Variants in PTPRK observed in about 807,000 individuals in gnomAD.
PTPRK encodes the protein protein tyrosine phosphatase receptor type K, also known as receptor-type tyrosine-protein phosphatase kappa.
In PTPRK, 75 loss-of-function variants were observed where a neutral mutation model predicts 178.0. That is an observed-to-expected ratio of 0.42 (90% confidence interval 0.35 to 0.51). The LOEUF (loss-of-function observed/expected upper bound fraction) is 0.51, where lower values mean the gene tolerates loss of function less well. Among genes scored for constraint, PTPRK ranks in the 20% least tolerant of loss-of-function variants. PTPRK has a pLI of 0.02. For missense variants in PTPRK, 1,441 were observed against 1,797.8 expected (o/e 0.80, Z 3.59); for synonymous variants, 637 against 620.6 (o/e 1.03, Z -0.39).
At chr6:128,518,319 T>C (rs1186739995) in intron 1 of PTPRK, among the ~76,000 whole-genome samples, 2 of 152,212 alleles carry the variant, frequency 1.3e-5, no homozygotes, top group Admixed American at 1.3e-4. Context: ...CAATTGTTTA[T>C]TGTACGTATC....
At chr6:128,436,704 G>T (rs937809928) in intron 1 of PTPRK, among the ~76,000 whole-genome samples, 2 of 152,110 alleles carry the variant, frequency 1.3e-5, no homozygotes, top group Non-Finnish European at 2.9e-5. Context: ...AACTTGCCAA[G>T]ATCACCGGAT....
intron 20 of PTPRK, 99 bp from the exon 21 acceptor site, chr6:127,990,984 T>G: frequency 1.3e-6 from 1 of 753,404 alleles, no homozygotes; most frequent in Non-Finnish European, 2.2e-6. Flanking sequence ...CAATTAAAAC[T>G]CAGTTTAAAA....
At chr6:128,396,277 T>C (rs1212428761) in intron 2 of PTPRK, among the ~76,000 whole-genome samples, 1 of 149,584 alleles carries the variant, frequency 6.7e-6, no homozygotes, top group African/African-American at 2.4e-5. Flanking sequence ...GAAACCTAAA[T>C]TATTAGTACT....
intron 1 of PTPRK, among the ~76,000 whole-genome samples, chr6:128,414,939 T>C (rs2128381858): frequency 6.6e-6 from 1 of 152,320 alleles, no homozygotes; most frequent in Non-Finnish European, 1.5e-5. Flanking sequence ...AAAGTTCTCA[T>C]TTTACACCTC....
chr6:128,297,369 G>C (rs1177722576), intron 3 of PTPRK, among the ~76,000 whole-genome samples: 1 of 152,140 alleles, frequency 6.6e-6, no homozygotes, highest in Non-Finnish European at 1.5e-5. Flanking sequence ...TCTGCACTAG[G>C]CAGACCTAAC....
chr6:128,298,488 G>A lies in PTPRK; in HGVS notation c.495+23551C>T, dbSNP rs866781638. Among the ~76,000 whole-genome samples the A allele has an allele frequency of 5.5e-3, 837 of 151,706 alleles. 7 individuals are homozygous for A. The highest frequency in any genetic ancestry group is 6.7e-3 in the Non-Finnish European group (456 of 68,006). Reference sequence around the variant, plus strand: ...ATCCTCAATAAAATACTGGCAAACCGAATCCAGCAGCACATCAAAAAGCTT... The same window carrying A: ...ATCCTCAATAAAATACTGGCAAACCAAATCCAGCAGCACATCAAAAAGCTT... On this transcript the variant is annotated intron_variant, in intron 3 of 29. Transcript: ENST00000368226.
chr6:128,268,730 A>C (rs1819339599), intron 3 of PTPRK, among the ~76,000 whole-genome samples: 1 of 152,080 alleles, frequency 6.6e-6, no homozygotes, highest in Non-Finnish European at 1.5e-5. Context: ...ACCTACCTTT[A>C]AATCAGTCCT....
intron 7 of PTPRK, among the ~76,000 whole-genome samples, chr6:128,170,062 A>T (rs1800014739): frequency 6.6e-6 from 1 of 152,076 alleles, no homozygotes; most frequent in Non-Finnish European, 1.5e-5. Flanking sequence ...AGCAAGTTTT[A>T]ATAATGGCAA....
At chr6:127,992,238 CA>C (rs1776692857) in intron 19 of PTPRK, among the ~76,000 whole-genome samples, 2 of 151,746 alleles carry the variant, frequency 1.3e-5, no homozygotes, top group South Asian at 4.1e-4. Flanking sequence ...TGTTTTGTCT[CA>C]GTCTTGACTC....
At chr6:128,329,918 T>C (rs928763475) in intron 2 of PTPRK, among the ~76,000 whole-genome samples, 1 of 152,280 alleles carries the variant, frequency 6.6e-6, no homozygotes, top group South Asian at 2.1e-4. Flanking sequence ...GAGAATCAGA[T>C]TGTTATGTAT....
Position 128,464,643 on chromosome 6 carries a change from A to ATATATATATGTG in PTPRK, c.100+55615_100+55616insCACATATATATA, listed in dbSNP as rs1554271869. 4.9e-5 allele frequency among the ~76,000 whole-genome samples: 4 copies of ATATATATATGTG among 81,054 alleles called. No individual in the cohort carries two copies. In the East Asian group the frequency reaches 8.6e-4, roughly 18 times the overall value. The allele number at this position is 81,054 out of a possible 152,430, so 53.2% of individuals were successfully genotyped here. The stretch of plus-strand genomic sequence containing the variant: ...TACATATATATATATATACACATAT[A>ATATATATATGTG]TATATATATATATATATATATATAT... On this transcript the variant is annotated intron_variant, in intron 1 of 29. Coordinates refer to ENST00000368226, the MANE Select transcript of PTPRK (RefSeq NM_002844.4).
At chr6:128,190,172 G>A in intron 6 of PTPRK, among the ~76,000 whole-genome samples, 1 of 152,008 alleles carries the variant, frequency 6.6e-6, no homozygotes, top group Non-Finnish European at 1.5e-5. Flanking sequence ...GAAAATTTTA[G>A]ATTTAATAAG....
At chr6:128,278,772 G>C (rs554411244) in intron 3 of PTPRK, among the ~76,000 whole-genome samples, 91 of 152,228 alleles carry the variant, frequency 6.0e-4, no homozygotes, top group African/African-American at 2.2e-3. Context: ...CGAATGCACT[G>C]TCTGAAAAAC....
intron 6 of PTPRK, among the ~76,000 whole-genome samples, chr6:128,185,647 T>C (rs1292452291): frequency 1.3e-5 from 2 of 152,114 alleles, no homozygotes; most frequent in Non-Finnish European, 2.9e-5. Flanking sequence ...GTTAATAAAG[T>C]AGTAATTGCT....
intron 6 of PTPRK, among the ~76,000 whole-genome samples, chr6:128,201,584 C>T (rs556653854): frequency 1.8e-4 from 27 of 152,172 alleles, no homozygotes; most frequent in Non-Finnish European, 3.2e-4. Context: ...TTTGGCCAGG[C>T]GTGACGGCTC....
chr6:128,118,743 T>C (rs1481844077), intron 7 of PTPRK, among the ~76,000 whole-genome samples: 1 of 152,138 alleles, frequency 6.6e-6, no homozygotes, highest in Non-Finnish European at 1.5e-5. Context: ...TTAACCTTTT[T>C]CCACTTGAGA....
intron 13 of PTPRK, among the ~76,000 whole-genome samples, chr6:128,024,159 C>A (rs540476266): frequency 6.6e-6 from 1 of 152,268 alleles, no homozygotes; most frequent in South Asian, 2.1e-4. Context: ...ACATTTCAAC[C>A]CAGATGAACA....
chr6:128,228,669 A>T (rs1811807591), intron 5 of PTPRK, among the ~76,000 whole-genome samples: 1 of 151,280 alleles, frequency 6.6e-6, no homozygotes, highest in East Asian at 1.9e-4. Flanking sequence ...CAAAAAAAAA[A>T]AAAAGCAAAA....
chr6:128,020,413 G>T lies in PTPRK; in HGVS notation c.2195-11145C>A, dbSNP rs77527537. On this transcript the variant is annotated intron_variant, in intron 13 of 29. Transcript: ENST00000368226. ...ATGATAAATGTGGATATATGGAGAC[G>T]TTGGGGGAAAAAGCTTCATGATAAT... Among the ~76,000 whole-genome samples, 7 of 152,266 alleles carry T rather than the reference G, an allele frequency of 4.6e-5. No individual in the cohort carries two copies. The South Asian group carries it at 1.4e-3, about 32-fold the overall frequency.
Sources: gnomAD v4.1 joint callset for allele counts (sites outside exome capture counted in the v4.1 genomes callset) on GRCh38, gnomAD v4.1.1 for gene constraint, MANE v1.5 for transcripts, NCBI Gene and HGNC (gene_info 2026-07-23, HGNC 2026-07-21) for gene names.